WWOX: variants seen among roughly 807,000 people sequenced by gnomAD.
WWOX encodes WW domain-containing oxidoreductase.
A neutral mutation model predicts 46.2 loss-of-function variants in WWOX; 69 were observed. That is an observed-to-expected ratio of 1.49 (90% CI 1.23 to 1.82). The LOEUF (loss-of-function observed/expected upper bound fraction) is 1.82, where lower values mean the gene tolerates loss of function less well. Among genes scored for constraint, WWOX ranks in the 40% most tolerant of loss-of-function variants. The pLI is 0.00. For synonymous variants in WWOX, 359 were observed against 202.6 expected (o/e 1.77, Z -6.56); for missense variants, 919 against 542.6 (o/e 1.69, Z -6.89).
At chr16:78,390,021 A>T (rs1165873565) in intron 6 of WWOX, among the ~76,000 whole-genome samples, 2 of 152,240 alleles carry the variant, frequency 1.3e-5, no homozygotes, top group Non-Finnish European at 2.9e-5. Context: ...TGCTGGAATT[A>T]CAGGCGTGAG....
intron 5 of WWOX, among the ~76,000 whole-genome samples, chr16:78,380,885 A>T (rs1369169255): frequency 6.6e-6 from 1 of 152,238 alleles, no homozygotes; most frequent in Admixed American, 6.5e-5. Context: ...ACATTTTAGC[A>T]GTGGCCTTCA....
intron 8 of WWOX, among the ~76,000 whole-genome samples, chr16:78,776,257 A>T (rs1197833542): frequency 6.6e-6 from 1 of 151,622 alleles, no homozygotes; most frequent in Non-Finnish European, 1.5e-5. Context: ...CACAGGCTAC[A>T]TTGGCTTGGC....
At chr16:78,851,581 G>A (rs115615224) in intron 8 of WWOX, among the ~76,000 whole-genome samples, 1 of 152,226 alleles carries the variant, frequency 6.6e-6, no homozygotes, top group Admixed American at 6.5e-5. Context: ...ACTAGACGGT[G>A]AGGGACTTTA....
In WWOX at chr16:79,027,137, G is replaced by C. The variant is rs566929036; in HGVS notation, c.1057-184471G>C. Among the ~76,000 whole-genome samples, 7 of 151,362 alleles carry C rather than the reference G, an allele frequency of 4.6e-5. No individual in the cohort carries two copies. In the South Asian group the frequency reaches 1.5e-3, roughly 31 times the overall value. On this transcript the variant is annotated intron_variant, in intron 8 of 8. Coordinates refer to ENST00000566780, the MANE Select transcript of WWOX (RefSeq NM_016373.4). Reference sequence around the variant, plus strand: ...TCTACAAAAAATAAAATAATTAGCTGGGCATGGTGGTACATGCCTGTAGTC... The same window carrying C: ...TCTACAAAAAATAAAATAATTAGCTCGGCATGGTGGTACATGCCTGTAGTC...
intron 8 of WWOX, among the ~76,000 whole-genome samples, chr16:78,713,890 T>A (rs967793232): frequency 2.0e-5 from 3 of 152,064 alleles, no homozygotes; most frequent in African/African-American, 7.2e-5. Flanking sequence ...TGATTTGGGG[T>A]GATGGAACAG....
chr16:78,375,630 C>CT (rs1339786914), intron 5 of WWOX, among the ~76,000 whole-genome samples: 2 of 152,034 alleles, frequency 1.3e-5, no homozygotes, highest in Non-Finnish European at 2.9e-5. Flanking sequence ...TTGGTATAAC[C>CT]TTTTTGGAGG....
At chr16:78,538,450 T>C (rs903697960) in intron 8 of WWOX, among the ~76,000 whole-genome samples, 12 of 152,160 alleles carry the variant, frequency 7.9e-5, no homozygotes, top group African/African-American at 2.4e-4. Context: ...GGCCACGGGC[T>C]TTCCCACTGT....
intron 5 of WWOX, among the ~76,000 whole-genome samples, chr16:78,260,718 C>G (rs1181678677): frequency 6.7e-6 from 1 of 149,816 alleles, no homozygotes; most frequent in East Asian, 2.0e-4. Flanking sequence ...GCAGGTGGAT[C>G]ACTTGAGGTC....
intron 8 of WWOX, among the ~76,000 whole-genome samples, chr16:79,022,710 A>C (rs57468424): frequency 0.011 from 1,715 of 152,310 alleles, 33 homozygotes; most frequent in African/African-American, 0.039. Flanking sequence ...GGAGCCCAAG[A>C]GGGAGGGGAG....
At chr16:78,377,695 T>C (rs911326115) in intron 5 of WWOX, among the ~76,000 whole-genome samples, 2 of 152,208 alleles carry the variant, frequency 1.3e-5, no homozygotes, top group Admixed American at 6.5e-5. Flanking sequence ...TTATTTTCGC[T>C]CTCTTATTAG....
intron 8 of WWOX, among the ~76,000 whole-genome samples, chr16:78,483,489 T>C (rs1211977469): frequency 6.6e-6 from 1 of 150,432 alleles, no homozygotes. Flanking sequence ...CACTGATCGG[T>C]GAAGGCAGAC....
chr16:78,546,865 G>A (rs1247369538), intron 8 of WWOX, among the ~76,000 whole-genome samples: 1 of 152,166 alleles, frequency 6.6e-6, no homozygotes, highest in Admixed American at 6.5e-5. Flanking sequence ...GGTGGCTCAT[G>A]CCCGTAATCT....
intron 8 of WWOX, among the ~76,000 whole-genome samples, chr16:78,461,546 C>A (rs750952260): frequency 6.6e-6 from 1 of 152,102 alleles, no homozygotes; most frequent in African/African-American, 2.4e-5. Flanking sequence ...CGCAAGGATC[C>A]CCATGTGTGT....
intron 6 of WWOX, among the ~76,000 whole-genome samples, chr16:78,395,090 T>G (rs2082255677): frequency 6.6e-6 from 1 of 152,254 alleles, no homozygotes; most frequent in Non-Finnish European, 1.5e-5. Context: ...TTTCTCATCT[T>G]GATCGTAAAA....
rs149109830 is a variant in WWOX at position 78,765,523 on chromosome 16, A to C, written c.1056+332771A>C. Among the ~76,000 whole-genome samples the C allele has an allele frequency of 3.6e-3, 544 of 152,268 alleles. 4 individuals are homozygous for C. Among genetic ancestry groups the C allele is most frequent in the African/African-American group, 0.012 (514 of 41,554 alleles). ...GTGAAACCCCATCTCTACTAAAAGT[A>C]CAAAAATTAGCCAGGTGTGATAGCG... is the stretch of plus-strand genomic sequence containing the variant. On this transcript the variant is annotated intron_variant, in intron 8 of 8. Transcript: ENST00000566780.
At chr16:79,124,148 C>A (rs182336849) in intron 8 of WWOX, among the ~76,000 whole-genome samples, 20 of 152,114 alleles carry the variant, frequency 1.3e-4, no homozygotes, top group African/African-American at 4.8e-4. Context: ...CGGATGGTGC[C>A]CCAGAGGGTG....
At chr16:78,596,161 G>A (rs533866165) in intron 8 of WWOX, among the ~76,000 whole-genome samples, 5 of 151,880 alleles carry the variant, frequency 3.3e-5, no homozygotes, top group South Asian at 2.1e-4. Flanking sequence ...AACAAAATAC[G>A]ATATTATCTT....
chr16:78,335,930 A>G (rs1264652474), intron 5 of WWOX, among the ~76,000 whole-genome samples: 1 of 152,072 alleles, frequency 6.6e-6, no homozygotes, highest in African/African-American at 2.4e-5. Context: ...CATCTCTACT[A>G]AAAATATAAA....
chr16:78,487,483 T>C (rs2151456668), intron 8 of WWOX, among the ~76,000 whole-genome samples: 1 of 152,288 alleles, frequency 6.6e-6, no homozygotes. Flanking sequence ...AGCGGGACCA[T>C]TTTACACTGA....
Sources: gnomAD v4.1 joint callset for allele counts (sites outside exome capture counted in the v4.1 genomes callset) on GRCh38, gnomAD v4.1.1 for gene constraint, MANE v1.5 for transcripts, NCBI Gene and HGNC (gene_info 2026-07-23, HGNC 2026-07-21) for gene names.